The following TRPC7 variants were observed in gnomAD, a reference collection of about 807,000 sequenced individuals.
TRPC7 encodes short transient receptor potential channel 7.
A neutral mutation model predicts 90.1 loss-of-function variants in TRPC7; 42 were observed. That is an observed-to-expected ratio of 0.47 (90% CI 0.36 to 0.60). TRPC7 has a LOEUF of 0.60. Ranked by LOEUF, TRPC7 falls within the 20% of genes least tolerant of loss-of-function variation. TRPC7 has a pLI of 0.00. For missense variants in TRPC7, 955 were observed against 1,112.3 expected (o/e 0.86, Z 2.01); for synonymous variants, 451 against 436.3 (o/e 1.03, Z -0.42).
intron 1 of TRPC7, among the ~76,000 whole-genome samples, chr5:136,361,937 G>A (rs191738213): frequency 1.3e-5 from 2 of 152,208 alleles, no homozygotes; most frequent in Admixed American, 1.3e-4. Context: ...GCACAGTGAG[G>A]ATTAAATAAT....
chr5:136,244,823 C>T (rs927893663), intron 7 of TRPC7, among the ~76,000 whole-genome samples: 22 of 152,168 alleles, frequency 1.4e-4, no homozygotes, highest in African/African-American at 4.8e-4. Context: ...ATAAAGTAGT[C>T]CAGCTGATTC....
chr5:136,338,225 C>T (rs1035718191), intron 2 of TRPC7, among the ~76,000 whole-genome samples: 6 of 152,172 alleles, frequency 3.9e-5, no homozygotes, highest in African/African-American at 7.2e-5. Flanking sequence ...ACGTAAAAGA[C>T]GATCACACTA....
At chr5:136,326,558 A>G (rs908997249) in intron 2 of TRPC7, among the ~76,000 whole-genome samples, 1 of 152,076 alleles carries the variant, frequency 6.6e-6, no homozygotes, top group African/African-American at 2.4e-5. Context: ...GATCTGAAAT[A>G]GCTTTTAGGA....
At chr5:136,341,194 T>C (rs1032543067) in intron 2 of TRPC7, among the ~76,000 whole-genome samples, 1 of 152,120 alleles carries the variant, frequency 6.6e-6, no homozygotes, top group African/African-American at 2.4e-5. Flanking sequence ...TATAGAACTG[T>C]TTATTAAAAC....
chr5:136,305,187 C>T (rs1447040232), intron 3 of TRPC7, among the ~76,000 whole-genome samples: 1 of 152,126 alleles, frequency 6.6e-6, no homozygotes, highest in Non-Finnish European at 1.5e-5. Context: ...TTCCTGATAC[C>T]ACACCTGACC....
Position 136,247,706 on chromosome 5 carries a change from G to A in TRPC7, c.1609C>T (p.Gln537Ter). 1 of 1,613,838 alleles carries A rather than the reference G, an allele frequency of 6.2e-7. No individual in the cohort carries two copies. The highest frequency in any genetic ancestry group is 8.5e-7 in the Non-Finnish European group (1 of 1,179,766). ...GCGTAGAGCCCTTCCGATATGATCT[G>A]AGGGTCTGAAGGCCACCACTTGTCC... ...ARDKWWPSDP[Q>*]IISEGLYAIA... Residue 537 changes from glutamine to a stop codon, truncating the protein, a stop_gained, in exon 7 of 12, where the codon CAG becomes TAG. Coordinates refer to ENST00000513104, the MANE Select transcript of TRPC7 (RefSeq NM_020389.3). LOFTEE classifies it high-confidence loss of function. This position sits in a 1 kb window ranked among gnomAD's most constrained non-coding sequence, Gnocchi z 4.2.
At chr5:136,302,516 C>T (rs1035842761) in intron 3 of TRPC7, among the ~76,000 whole-genome samples, 21 of 152,120 alleles carry the variant, frequency 1.4e-4, no homozygotes, top group Non-Finnish European at 3.1e-4. Flanking sequence ...CCCTCCATGT[C>T]TCTATGCTCT....
rs780636115 is a variant in TRPC7, at chr5:136,247,480, G to C, written c.1835C>G (p.Ala612Gly). Residue 612 changes from alanine (A) to glycine (G), a missense_variant, in exon 7 of 12, where the codon GCG becomes GGG. Physicochemically the swap from Ala to Gly is moderately conservative, Grantham distance 60. Around this residue, in one of 4 missense-constraint regions of TRPC7, gnomAD observed 296 missense variants for 422.7 expected, o/e 0.70. Coordinates refer to ENST00000513104, the MANE Select transcript of TRPC7 (RefSeq NM_020389.3). This position sits in a 1 kb window ranked among gnomAD's most constrained non-coding sequence, Gnocchi z 4.2. ...SYYRGAKYNPAFTTVEESFKT... is the reference protein window; with the variant it reads ...SYYRGAKYNPGFTTVEESFKT... ...GCTCTCAGATACTCACGTTGTAAAC[G>C]CTGGGTTGTATTTGGCACCTCGGTA... 1.9e-6 allele frequency: 3 copies of C among 1,611,746 alleles called. No homozygotes were observed. Among genetic ancestry groups the C allele is most frequent in the Non-Finnish European group, 2.5e-6 (3 of 1,178,366 alleles).
chr5:136,254,787 T>C (rs1324865809), intron 5 of TRPC7, among the ~76,000 whole-genome samples: 8 of 152,200 alleles, frequency 5.3e-5, no homozygotes, highest in Admixed American at 5.2e-4. Flanking sequence ...ATTCTTCTGA[T>C]GGATCTGGGC....
At chr5:136,313,752 G>C (rs923822919) in intron 3 of TRPC7, among the ~76,000 whole-genome samples, 1 of 152,156 alleles carries the variant, frequency 6.6e-6, no homozygotes, top group Non-Finnish European at 1.5e-5. Flanking sequence ...ATGGATTACA[G>C]CAGACACTTG....
intron 1 of TRPC7, among the ~76,000 whole-genome samples, chr5:136,358,893 A>G (rs2649700): frequency 0.22 from 32,863 of 152,142 alleles, 4,203 homozygotes; most frequent in East Asian, 0.35. Flanking sequence ...TCAAGAGTGT[A>G]TCCGTTTTAA....
At chr5:136,321,073 A>G (rs936424597) in intron 2 of TRPC7, among the ~76,000 whole-genome samples, 6 of 152,144 alleles carry the variant, frequency 3.9e-5, no homozygotes, top group African/African-American at 1.2e-4. Context: ...TCAGTAAGTT[A>G]CTTGTTTAAT....
At chr5:136,362,106 A>T (rs1013295956) in intron 1 of TRPC7, among the ~76,000 whole-genome samples, 1 of 152,184 alleles carries the variant, frequency 6.6e-6, no homozygotes, top group Non-Finnish European at 1.5e-5. Flanking sequence ...TTTCTAAATG[A>T]CTATACAATA....
chr5:136,244,558 AAGCATTTAATG>A (rs1272630634), intron 7 of TRPC7, among the ~76,000 whole-genome samples: 5 of 152,224 alleles, frequency 3.3e-5, no homozygotes, highest in Non-Finnish European at 7.3e-5. Context: ...CTTGTTCATA[AAGCATTTAATG>A]AGCAAACAAC....
chr5:136,285,254 C>T (rs1370151952), intron 3 of TRPC7, among the ~76,000 whole-genome samples: 1 of 152,104 alleles, frequency 6.6e-6, no homozygotes, highest in Non-Finnish European at 1.5e-5. Flanking sequence ...AAATATGGGC[C>T]AGATATGCAT....
At chr5:136,213,652 G>A (rs763005668) in intron 11 of TRPC7, 48 bp from the exon 12 acceptor site, 19 of 1,601,690 alleles carry the variant, frequency 1.2e-5, no homozygotes, top group Admixed American at 1.7e-5. Context: ...GTGGAAGCTC[G>A]GGGCTTGTCC....
At chr5:136,257,161 A>G (rs1268631296) in intron 5 of TRPC7, among the ~76,000 whole-genome samples, 1 of 152,146 alleles carries the variant, frequency 6.6e-6, no homozygotes, top group East Asian at 1.9e-4. Context: ...CCATGAAATA[A>G]AAGGATTTAA....
Position 136,247,355 on chromosome 5 carries a change from A to T in TRPC7, c.1844+116T>A. The T allele has an allele frequency of 8.4e-7, 1 of 1,196,920 alleles. No homozygotes were observed. Among genetic ancestry groups the T allele is most frequent in the Non-Finnish European group, 1.2e-6 (1 of 869,504 alleles). The allele number at this position is 1,196,920 out of a possible 1,614,324, so 74.1% of individuals were successfully genotyped here. A position where few individuals can be genotyped will look rare whatever the true frequency, so the allele number is the denominator to read the frequency against. ...ACCACCCTTGAATAAAGTTGCCTTT[A>T]ACCTTGAGAGATAGCAAGGAAACAG... is the stretch of plus-strand genomic sequence containing the variant. On this transcript the variant is annotated intron_variant, in intron 7 of 11. Coordinates refer to ENST00000513104, the MANE Select transcript of TRPC7 (RefSeq NM_020389.3). The surrounding 1 kb of genome is among the most constrained non-coding windows in gnomAD (Gnocchi z 4.2).
intron 3 of TRPC7, among the ~76,000 whole-genome samples, chr5:136,278,748 C>T (rs1477170547): frequency 6.6e-6 from 1 of 152,146 alleles, no homozygotes; most frequent in Non-Finnish European, 1.5e-5. Flanking sequence ...TTCATATGCC[C>T]TGCCTAGGCA....
Sources: allele counts gnomAD v4.1 joint callset (sites outside exome capture counted in the v4.1 genomes callset), GRCh38; gene constraint gnomAD v4.1.1; regional missense constraint gnomAD v4.1.1; non-coding constraint Gnocchi (gnomAD v3.1); transcripts MANE v1.5; gene names NCBI Gene and HGNC (gene_info 2026-07-23, HGNC 2026-07-21).